RPH3A: variants seen among roughly 807,000 people sequenced by gnomAD.
RPH3A encodes the protein rabphilin-3A.
Under a neutral mutation model 102.2 loss-of-function variants are expected in RPH3A, and 48 were observed. That is an observed-to-expected ratio of 0.47 (90% CI 0.37 to 0.60). RPH3A has a LOEUF of 0.60. RPH3A is among the 20% of genes least tolerant of loss of function. RPH3A has a pLI of 0.00. For synonymous variants in RPH3A, 310 were observed against 324.3 expected (o/e 0.96, Z 0.47); for missense variants, 781 against 910.1 (o/e 0.86, Z 1.83).
intron 1 of RPH3A, among the ~76,000 whole-genome samples, chr12:112,678,453 G>C (rs1471814383): frequency 6.6e-6 from 1 of 151,896 alleles, no homozygotes. Context: ...GATCGGCCTT[G>C]AATATCTAGG....
intron 2 of RPH3A, among the ~76,000 whole-genome samples, chr12:112,807,347 G>T (rs1446169775): frequency 1.3e-5 from 2 of 152,112 alleles, no homozygotes; most frequent in African/African-American, 4.8e-5. Flanking sequence ...CAACTACCTG[G>T]AAATGAAGAG....
chr12:112,718,527 G>A (rs1187291211), intron 1 of RPH3A, among the ~76,000 whole-genome samples: 1 of 152,066 alleles, frequency 6.6e-6, no homozygotes, highest in Non-Finnish European at 1.5e-5. Context: ...CATTACACAT[G>A]CATACACACT....
intron 1 of RPH3A, among the ~76,000 whole-genome samples, chr12:112,771,419 T>G (rs2040926842): frequency 6.6e-6 from 1 of 152,222 alleles, no homozygotes; most frequent in Admixed American, 6.5e-5. Context: ...TTGCTTAGTA[T>G]TCTATAATAA....
At chr12:112,852,405 T>C (rs1485064642) in intron 5 of RPH3A, among the ~76,000 whole-genome samples, 2 of 152,234 alleles carry the variant, frequency 1.3e-5, no homozygotes, top group African/African-American at 2.4e-5. Context: ...TGGCTATCTT[T>C]ATCCCATTAT....
chr12:112,791,330 C>G (rs1390379552), upstream of RPH3A: 2 of 152,370 alleles, frequency 1.3e-5, no homozygotes. Flanking sequence ...GTGTGGGAGA[C>G]AGGGGCTGTG....
intron 1 of RPH3A, among the ~76,000 whole-genome samples, chr12:112,749,493 T>G (rs2040771423): frequency 6.6e-6 from 1 of 152,224 alleles, no homozygotes; most frequent in African/African-American, 2.4e-5. Context: ...ACATCCCATT[T>G]TAAAGATTCA....
At chr12:112,576,865 A>AT (rs1274919561) in intron 1 of RPH3A, among the ~76,000 whole-genome samples, 3 of 115,776 alleles carry the variant, frequency 2.6e-5, no homozygotes, top group Non-Finnish European at 3.6e-5. Flanking sequence ...AAATTATTGT[A>AT]TTTTTTTCAA....
At chr12:112,733,937 A>G (rs376885427) in intron 1 of RPH3A, among the ~76,000 whole-genome samples, 2 of 152,294 alleles carry the variant, frequency 1.3e-5, no homozygotes, top group South Asian at 4.2e-4. Context: ...TATTATTACT[A>G]TGTTAATCTA....
At chr12:112,621,955 C>T (rs1017408995) in intron 1 of RPH3A, among the ~76,000 whole-genome samples, 12 of 150,626 alleles carry the variant, frequency 8.0e-5, no homozygotes, top group African/African-American at 2.4e-4. Context: ...CACACTGACA[C>T]CTCACACGGC....
intron 2 of RPH3A, among the ~76,000 whole-genome samples, chr12:112,823,626 TGGAATTTGG>T (rs2041818938): frequency 6.6e-6 from 1 of 152,204 alleles, no homozygotes; most frequent in Non-Finnish European, 1.5e-5. Context: ...GTCCTAGGGC[TGGAATTTGG>T]TACTATTTAT....
chr12:112,827,362 C>T (rs1051006654), intron 2 of RPH3A, among the ~76,000 whole-genome samples: 1 of 152,156 alleles, frequency 6.6e-6, no homozygotes, highest in African/African-American at 2.4e-5. Flanking sequence ...CGAGGTTCAC[C>T]TATGTCATAG....
chr12:112,746,560 G>T (rs1320661238), intron 1 of RPH3A, among the ~76,000 whole-genome samples: 2 of 152,046 alleles, frequency 1.3e-5, no homozygotes. Flanking sequence ...AGGAAAAATT[G>T]CTGGAAGTTG....
chr12:112,858,632 T>C (rs754975407), intron 5 of RPH3A, among the ~76,000 whole-genome samples: 1 of 152,222 alleles, frequency 6.6e-6, no homozygotes, highest in Non-Finnish European at 1.5e-5. Flanking sequence ...GTCCGATCTC[T>C]CACTTGAACG....
chr12:112,613,960 G>A (rs1245866785), intron 1 of RPH3A, among the ~76,000 whole-genome samples: 1 of 152,122 alleles, frequency 6.6e-6, no homozygotes, highest in Non-Finnish European at 1.5e-5. Context: ...AAAGCAAGAA[G>A]TAGGGTCAGA....
Position 112,868,452 on chromosome 12 carries a change from G to A in RPH3A, c.467G>A (p.Trp156Ter). ...AAGGTGTGGAAGCGTTCTGGAGCGTGGTTCTTCAAAGGCTTCCCCAAACAG... is the reference window on the plus strand; with the variant it reads ...AAGGTGTGGAAGCGTTCTGGAGCGTAGTTCTTCAAAGGCTTCCCCAAACAG... ...QREVWKRSGA[W>*]FFKGFPKQVL... The change falls in exon 8 of 22, where the codon TGG (tryptophan) becomes TAG (stop). Residue 156 changes from tryptophan to a stop codon, truncating the protein, a stop_gained. Transcript: ENST00000389385. LOFTEE classifies it high-confidence loss of function. 2 of 1,614,128 alleles carry A rather than the reference G, an allele frequency of 1.2e-6. No individual in the cohort carries two copies. The highest frequency in any genetic ancestry group is 2.2e-5 in the South Asian group (2 of 91,070).
At chr12:112,875,508 A>G (rs970908620) in intron 11 of RPH3A, among the ~76,000 whole-genome samples, 171 bp from the exon 12 acceptor site, 3 of 152,100 alleles carry the variant, frequency 2.0e-5, no homozygotes, top group Non-Finnish European at 4.4e-5. Flanking sequence ...CTTGGATCCA[A>G]GTCTTTCTAA....
intron 1 of RPH3A, among the ~76,000 whole-genome samples, chr12:112,775,171 T>A (rs1047706052): frequency 6.6e-6 from 1 of 151,988 alleles, no homozygotes; most frequent in African/African-American, 2.4e-5. Context: ...TGTTTACCTA[T>A]GTAACAAAGC....
At chr12:112,834,160 C>T (rs1351264195) in intron 3 of RPH3A, among the ~76,000 whole-genome samples, 1 of 152,178 alleles carries the variant, frequency 6.6e-6, no homozygotes, top group African/African-American at 2.4e-5. Context: ...ATCCCTAAGT[C>T]ATCACTATTT....
intron 1 of RPH3A, among the ~76,000 whole-genome samples, chr12:112,639,445 T>C (rs907619454): frequency 6.6e-6 from 1 of 151,510 alleles, no homozygotes; most frequent in Non-Finnish European, 1.5e-5. Flanking sequence ...AGCTGAACAA[T>C]GAGAGCACAT....
Sources: allele counts gnomAD v4.1 joint callset (sites outside exome capture counted in the v4.1 genomes callset), GRCh38; gene constraint gnomAD v4.1.1; transcripts MANE v1.5; gene names NCBI Gene and HGNC (gene_info 2026-07-23, HGNC 2026-07-21).